The following PTH2R variants were observed in gnomAD, a reference collection of about 807,000 sequenced individuals.
PTH2R encodes PTH2 receptor.
PTH2R carries 59 observed loss-of-function variants against 60.3 expected under a neutral mutation model. The observed-to-expected ratio is 0.98, with a 90% CI of 0.79 to 1.22. The LOEUF is 1.22. Ranked by LOEUF, PTH2R falls within the 50% of genes most tolerant of loss-of-function variation. PTH2R has a pLI of 0.00. For synonymous variants in PTH2R, 256 were observed against 243.8 expected (o/e 1.05, Z -0.47); for missense variants, 749 against 682.6 (o/e 1.10, Z -1.08).
At chr2:208,413,905 C>T (rs1281259577) in intron 1 of PTH2R, among the ~76,000 whole-genome samples, 1 of 152,184 alleles carries the variant, frequency 6.6e-6, no homozygotes, top group Non-Finnish European at 1.5e-5. Flanking sequence ...CAGGCTTGGA[C>T]TGCTTCTGTG....
At chr2:208,432,526 A>G (rs1484924347) in intron 2 of PTH2R, among the ~76,000 whole-genome samples, 1 of 152,224 alleles carries the variant, frequency 6.6e-6, no homozygotes, top group Admixed American at 6.5e-5. Context: ...AGAGGAACAG[A>G]ACTAATAGGA....
chr2:208,437,172 C>T (rs1016166722), intron 2 of PTH2R, among the ~76,000 whole-genome samples: 1 of 152,146 alleles, frequency 6.6e-6, no homozygotes, highest in Non-Finnish European at 1.5e-5. Context: ...TTTCAAGAAT[C>T]TAGTGTAAAA....
intron 4 of PTH2R, among the ~76,000 whole-genome samples, chr2:208,441,087 A>AC (rs1702171460): frequency 6.6e-6 from 1 of 152,168 alleles, no homozygotes; most frequent in African/African-American, 2.4e-5. Context: ...GCAGCAGCCA[A>AC]TTGCAAGACC....
Position 208,406,950 on chromosome 2 carries a change from A to C in PTH2R, c.-94A>C, listed in dbSNP as rs954004770. 1 of 1,115,262 alleles carries C rather than the reference A, an allele frequency of 9.0e-7. No homozygotes were observed. The highest frequency in any genetic ancestry group is 1.2e-6 in the Non-Finnish European group (1 of 835,106). The allele number at this position is 1,115,262 out of a possible 1,614,324, so 69.1% of individuals were successfully genotyped here. A position where few individuals can be genotyped will look rare whatever the true frequency, so the allele number is the denominator to read the frequency against. On this transcript the variant is annotated 5_prime_UTR_variant, in exon 1 of 13. Transcript: ENST00000272847. ...CCCCAGCTGCGCGTCGTTACTGGCC[A>C]CAAGTTTGCTCTGGGCCAGCCAAGT...
chr2:208,474,459 G>A (rs552912273), intron 9 of PTH2R, among the ~76,000 whole-genome samples: 1 of 152,302 alleles, frequency 6.6e-6, no homozygotes, highest in Non-Finnish European at 1.5e-5. Context: ...CCAAGAAGGT[G>A]AGATTTGAAC....
At chr2:208,402,487 C>T (rs972230464), upstream of PTH2R, among the ~76,000 whole-genome samples, 11 of 152,110 alleles carry the variant, frequency 7.2e-5, no homozygotes, top group Non-Finnish European at 1.6e-4. Flanking sequence ...GTCATAGCTC[C>T]CTACATCTTA....
chr2:208,477,423 T>C (rs993608521), intron 9 of PTH2R, among the ~76,000 whole-genome samples: 2 of 152,158 alleles, frequency 1.3e-5, no homozygotes, highest in Non-Finnish European at 2.9e-5. Context: ...GTTTTCTTTG[T>C]TTTAGTTCAT....
chr2:208,493,455 C>T lies in PTH2R; in HGVS notation c.1449C>T (p.Ser483=), dbSNP rs777037676. 1 of 1,610,448 alleles carries T rather than the reference C, an allele frequency of 6.2e-7. No homozygotes were observed. Among genetic ancestry groups the T allele is most frequent in the Non-Finnish European group, 8.5e-7 (1 of 1,177,876 alleles). Residue 483 remains serine (S), a synonymous_variant, in exon 13 of 13, where the codon AGC becomes AGT. Coordinates refer to ENST00000272847, the MANE Select transcript of PTH2R (RefSeq NM_005048.4). The part of the protein sequence containing the change: ...LISGKAAKIA[S]RQPDSHITLP... ...CTGGCAAAGCTGCCAAGATCGCCAG[C>T]AGACAGCCTGACAGCCACATCACTT...
At chr2:208,490,410 G>A (rs1318214910) in intron 11 of PTH2R, among the ~76,000 whole-genome samples, 3 of 152,022 alleles carry the variant, frequency 2.0e-5, no homozygotes, top group Non-Finnish European at 4.4e-5. Context: ...TGTGTATCTT[G>A]GAATGCTTTA....
At chr2:208,424,758 G>A (rs1200075305) in intron 1 of PTH2R, among the ~76,000 whole-genome samples, 1 of 152,144 alleles carries the variant, frequency 6.6e-6, no homozygotes, top group Non-Finnish European at 1.5e-5. Context: ...TCTTCCTGGG[G>A]TCCACAGTTA....
intron 9 of PTH2R, among the ~76,000 whole-genome samples, chr2:208,478,905 G>A (rs184041662): frequency 3.9e-5 from 6 of 152,298 alleles, no homozygotes; most frequent in African/African-American, 1.4e-4. Flanking sequence ...TAGAGCTGCT[G>A]TGAGACTAAG....
intron 1 of PTH2R, among the ~76,000 whole-genome samples, chr2:208,398,597 AATCATT>A (rs1414090310): frequency 2.0e-5 from 3 of 152,228 alleles, no homozygotes; most frequent in African/African-American, 7.2e-5. Context: ...CTACTTAGAT[AATCATT>A]TTAGAGCTTT....
At chr2:208,468,606 C>T (rs1433758854) in intron 9 of PTH2R, among the ~76,000 whole-genome samples, 1 of 152,176 alleles carries the variant, frequency 6.6e-6, no homozygotes, top group Non-Finnish European at 1.5e-5. Context: ...GTTCTACATG[C>T]CCCACTGTAC....
At chr2:208,389,620 T>C (rs1701069522) in intron 1 of PTH2R, among the ~76,000 whole-genome samples, 1 of 152,144 alleles carries the variant, frequency 6.6e-6, no homozygotes, top group Non-Finnish European at 1.5e-5. Flanking sequence ...GTATGACCCA[T>C]GAGGGGAAGT....
rs1346133400 is a variant in PTH2R, at chr2:208,443,350, G to A, written c.512G>A (p.Arg171Gln). 1.9e-6 allele frequency: 3 copies of A among 1,548,104 alleles called. No individual in the cohort carries two copies. The highest frequency in any genetic ancestry group is 2.4e-5 in the East Asian group (1 of 41,980). ...VAILIIGYFRRLHCTRNYIHM... is the reference protein window; with the variant it reads ...VAILIIGYFRQLHCTRNYIHM... ...ATACTGAATATTTCTCTCCGTAGAC[G>A]ATTGCATTGCACTAGGAACTATATC... Residue 171 changes from arginine (R) to glutamine (Q), a missense_variant and splice_region_variant, in exon 6 of 13, where the codon CGA (arginine) becomes CAA (glutamine). Physicochemically the swap from Arg to Gln is conservative, Grantham distance 43. Transcript: ENST00000272847.
At chr2:208,386,294 G>A (rs887552585) in intron 1 of PTH2R, among the ~76,000 whole-genome samples, 1 of 152,208 alleles carries the variant, frequency 6.6e-6, no homozygotes, top group African/African-American at 2.4e-5. Flanking sequence ...GGACTTGGAT[G>A]TAGATATGCA....
intron 1 of PTH2R, chr2:208,360,979 A>ATGGT (rs1700461495): frequency 4.4e-6 from 1 of 227,266 alleles, no homozygotes; most frequent in African/African-American, 2.3e-5. Flanking sequence ...CAGGCTGAGG[A>ATGGT]TGGTGGAGCC....
intron 5 of PTH2R, among the ~76,000 whole-genome samples, chr2:208,442,682 C>A (rs1168722604): frequency 6.6e-6 from 1 of 152,054 alleles, no homozygotes; most frequent in Non-Finnish European, 1.5e-5. Flanking sequence ...ACCTTTAACC[C>A]AATAAGTATG....
At chr2:208,427,965 A>G (rs1053774399) in intron 1 of PTH2R, among the ~76,000 whole-genome samples, 1 of 151,806 alleles carries the variant, frequency 6.6e-6, no homozygotes, top group Non-Finnish European at 1.5e-5. Flanking sequence ...AACTATATTA[A>G]AATTTTCTCA....
Sources: gnomAD v4.1 joint callset for allele counts (sites outside exome capture counted in the v4.1 genomes callset) on GRCh38, gnomAD v4.1.1 for gene constraint, MANE v1.5 for transcripts, NCBI Gene and HGNC (gene_info 2026-07-23, HGNC 2026-07-21) for gene names.